Variants in FIGNL2 observed in about 807,000 individuals in gnomAD.
FIGNL2 encodes the protein fidgetin like 2, also known as fidgetin-like protein 2.
For synonymous variants in FIGNL2, 565 were observed against 484.0 expected (o/e 1.17, Z -2.20); for missense variants, 1,060 against 950.2 (o/e 1.12, Z -1.52).
chr12:51,822,473 C>G, intron 1 of FIGNL2, 49 bp from the exon 2 acceptor site: 1 of 1,598,662 alleles, frequency 6.3e-7, no homozygotes, highest in Non-Finnish European at 8.5e-7. Flanking sequence ...ACCGAGGACC[C>G]AGTGGGCCAC....
At chr12:51,838,651 C>T (rs934094989) in intron 1 of FIGNL2, among the ~76,000 whole-genome samples, 5 of 152,178 alleles carry the variant, frequency 3.3e-5, no homozygotes, top group African/African-American at 9.7e-5. Flanking sequence ...ACAGGCTGGC[C>T]TGAGGGCAGT....
chr12:51,846,025 C>A (rs756875716), intron 1 of FIGNL2, among the ~76,000 whole-genome samples: 1 of 152,182 alleles, frequency 6.6e-6, no homozygotes, highest in East Asian at 1.9e-4. Flanking sequence ...CACCCAAGAG[C>A]ACAGAGCTGT....
chr12:51,846,721 G>A (rs1397233366), intron 1 of FIGNL2, among the ~76,000 whole-genome samples: 1 of 151,984 alleles, frequency 6.6e-6, no homozygotes, highest in African/African-American at 2.4e-5. Context: ...TTCTTCTTCT[G>A]GGGCGGGGGT....
chr12:51,824,900 C>T (rs1256322223), intron 1 of FIGNL2, among the ~76,000 whole-genome samples: 7 of 152,042 alleles, frequency 4.6e-5, no homozygotes, highest in East Asian at 1.9e-4. Context: ...AAAAATTAGC[C>T]GGGCGTAGTG....
At chr12:51,846,722 G>A (rs142508751) in intron 1 of FIGNL2, among the ~76,000 whole-genome samples, 2,554 of 152,058 alleles carry the variant, frequency 0.017, 52 homozygotes, top group African/African-American at 0.055. Flanking sequence ...TCTTCTTCTG[G>A]GGCGGGGGTG....
At chr12:51,846,041 T>C (rs1218065372) in intron 1 of FIGNL2, among the ~76,000 whole-genome samples, 1 of 152,196 alleles carries the variant, frequency 6.6e-6, no homozygotes, top group Non-Finnish European at 1.5e-5. Context: ...GCTGTTTACC[T>C]GAAGGTGGCC....
chr12:51,818,645 G>C lies in FIGNL2; in HGVS notation c.*1807C>G. 1 of 152,774 alleles carries C rather than the reference G, an allele frequency of 6.5e-6. No homozygotes were observed. The highest frequency in any genetic ancestry group is 1.5e-5 in the Non-Finnish European group (1 of 68,460). The allele number at this position is 152,774 out of a possible 1,614,324, so 9.5% of individuals were successfully genotyped here. A position where few individuals can be genotyped will look rare whatever the true frequency, so the allele number is the denominator to read the frequency against. Reference sequence around the variant, plus strand: ...CCCCCCAGACACCCTCCCAGCCAGGGGGGAGGCAGTAGACTCTAGGAAATG... The same window carrying C: ...CCCCCCAGACACCCTCCCAGCCAGGCGGGAGGCAGTAGACTCTAGGAAATG... On this transcript the variant is annotated 3_prime_UTR_variant, in exon 2 of 2. Coordinates refer to ENST00000618634, the MANE Select transcript of FIGNL2 (RefSeq NM_001384995.1).
intron 1 of FIGNL2, among the ~76,000 whole-genome samples, chr12:51,841,120 G>A (rs755245447): frequency 6.6e-5 from 10 of 152,212 alleles, no homozygotes; most frequent in Non-Finnish European, 1.2e-4. Context: ...GGGCTGAGCC[G>A]AGTAACTCCA....
Position 51,822,401 on chromosome 12 carries a change from G to T in FIGNL2, c.13C>A (p.Pro5Thr). The change falls in exon 2 of 2, where the codon CCA becomes ACA. Residue 5 changes from proline to threonine, a missense_variant. Transcript: ENST00000618634. The part of the protein sequence containing the change: MHWT[P>T]EHAQPLNQWP... ...TGGTTGAGGGGCTGGGCGTGTTCTG[G>T]TGTCCAGTGCATCTTCAACAGAGCT... 1 of 1,613,678 alleles carries T rather than the reference G, an allele frequency of 6.2e-7. No homozygotes were observed. Among genetic ancestry groups the T allele is most frequent in the Non-Finnish European group, 8.5e-7 (1 of 1,179,828 alleles).
intron 1 of FIGNL2, among the ~76,000 whole-genome samples, chr12:51,844,509 A>C (rs1939711380): frequency 6.6e-6 from 1 of 152,194 alleles, no homozygotes; most frequent in Non-Finnish European, 1.5e-5. Context: ...CTGCACCTAG[A>C]GTCATTCAAG....
chr12:51,844,951 G>A, intron 1 of FIGNL2: 1 of 841,646 alleles, frequency 1.2e-6, no homozygotes, highest in African/African-American at 1.8e-5. Flanking sequence ...CAGGCTGCAG[G>A]CATGACTCTG....
chr12:51,821,410 G>T lies in FIGNL2; in HGVS notation c.1004C>A (p.Ser335Tyr). The change falls in exon 2 of 2, where the codon TCC becomes TAC. Residue 335 changes from serine to tyrosine, a missense_variant. Transcript: ENST00000618634. ...GGGVPLKVLG[S>Y]PVYGPQLEPF... ...CTCCAGTTGCGGGCCGTAGACGGGG[G>T]AGCCCAGGACCTTGAGGGGGACGCC... The T allele has an allele frequency of 8.5e-6, 13 of 1,531,696 alleles. No homozygotes were observed. Among genetic ancestry groups the T allele is most frequent in the Non-Finnish European group, 1.1e-5 (13 of 1,141,742 alleles). 94.9% of individuals were successfully genotyped at this position (1,531,696 alleles called of 1,614,324 possible).
At chr12:51,848,229 C>G in intron 1 of FIGNL2, 1 of 984,320 alleles carries the variant, frequency 1.0e-6, no homozygotes, top group Non-Finnish European at 1.2e-6. Flanking sequence ...CAGACGCCCC[C>G]GAGCCGGCTG....
chr12:51,828,241 T>G (rs1939386225), intron 1 of FIGNL2: 1 of 152,238 alleles, frequency 6.6e-6, no homozygotes, highest in Non-Finnish European at 1.5e-5. Flanking sequence ...GACACACCCC[T>G]GGGCTGGGCA....
chr12:51,840,383 C>T (rs1458321807), intron 1 of FIGNL2, among the ~76,000 whole-genome samples: 1 of 152,204 alleles, frequency 6.6e-6, no homozygotes, highest in African/African-American at 2.4e-5. Flanking sequence ...AACCTATGAC[C>T]TGTTCTCAAA....
chr12:51,837,130 CA>C (rs1333672750), intron 1 of FIGNL2, among the ~76,000 whole-genome samples: 1 of 152,102 alleles, frequency 6.6e-6, no homozygotes, highest in Non-Finnish European at 1.5e-5. Flanking sequence ...GTCTGCCTCT[CA>C]GGGGGAAGCT....
At chr12:51,822,579 C>T (rs549525234) in intron 1 of FIGNL2, among the ~76,000 whole-genome samples, 155 bp from the exon 2 acceptor site, 2 of 152,326 alleles carry the variant, frequency 1.3e-5, no homozygotes, top group African/African-American at 4.8e-5. Flanking sequence ...GGCCCTCCCT[C>T]CAGGCACCAA....
intron 1 of FIGNL2, chr12:51,844,956 ACT>A: frequency 1.2e-6 from 1 of 815,690 alleles, no homozygotes; most frequent in Non-Finnish European, 1.5e-6. Flanking sequence ...TGCAGGCATG[ACT>A]CTGTCCTCAG....
intron 1 of FIGNL2, among the ~76,000 whole-genome samples, chr12:51,830,791 A>C (rs1353172428): frequency 6.6e-6 from 1 of 150,766 alleles, no homozygotes; most frequent in African/African-American, 2.4e-5. Context: ...CACCCGGCCT[A>C]CGCTCTTTTT....
Sources: gnomAD v4.1 joint callset for allele counts (sites outside exome capture counted in the v4.1 genomes callset) on GRCh38, gnomAD v4.1.1 for gene constraint, MANE v1.5 for transcripts, NCBI Gene and HGNC (gene_info 2026-07-23, HGNC 2026-07-21) for gene names.